TMEM114: variants seen among roughly 807,000 people sequenced by gnomAD.
The protein encoded by TMEM114 is transmembrane protein 114, also known as claudin-26.
TMEM114 carries 6 observed loss-of-function variants against 6.2 expected under a neutral mutation model. The observed-to-expected ratio is 0.97, with a 90% CI of 0.53 to 1.91. TMEM114 has a LOEUF of 1.91. Among genes scored for constraint, TMEM114 ranks in the 40% most tolerant of loss-of-function variants. The pLI, the probability that TMEM114 is intolerant of heterozygous loss-of-function variation, is 0.01. For synonymous variants in TMEM114, 104 were observed against 73.0 expected (o/e 1.42, Z -2.16); for missense variants, 218 against 158.3 (o/e 1.38, Z -2.02).
At chr16:8,532,932 G>GA (rs1366983788), downstream of TMEM114, among the ~76,000 whole-genome samples, 4 of 151,740 alleles carry the variant, frequency 2.6e-5, no homozygotes, top group Non-Finnish European at 2.9e-5. Context: ...TCAAAAAAAG[G>GA]AAAAAAAATA....
chr16:8,541,154 A>G (rs1900506329), intron 2 of TMEM114, among the ~76,000 whole-genome samples: 1 of 152,208 alleles, frequency 6.6e-6, no homozygotes, highest in East Asian at 1.9e-4. Context: ...ATATTATATC[A>G]TATCGTCTAA....
At chr16:8,569,181 T>C (rs140224307), downstream of TMEM114, among the ~76,000 whole-genome samples, 1 of 152,300 alleles carries the variant, frequency 6.6e-6, no homozygotes, top group East Asian at 1.9e-4. Context: ...GGATGGATTT[T>C]TCTGGGGGAG....
chr16:8,562,570 G>GCGTC (rs1290421911), intron 2 of TMEM114, among the ~76,000 whole-genome samples: 10 of 91,480 alleles, frequency 1.1e-4, no homozygotes, highest in South Asian at 3.2e-4. Flanking sequence ...ATGAGTGAGT[G>GCGTC]AATGAGTGAG....
At chr16:8,531,951 G>A in the TMEM114 span, 1 of 152,198 alleles carries the variant, frequency 6.6e-6, no homozygotes, top group Admixed American at 6.5e-5. Context: ...GAGAAGTAAA[G>A]TTGAATTCAT....
Position 8,545,335 on chromosome 16 carries a change from C to T in TMEM114, n.213-7509G>A, listed in dbSNP as rs550524226. Among the ~76,000 whole-genome samples, 3 of 152,272 alleles carry T rather than the reference C, an allele frequency of 2.0e-5. No individual in the cohort carries two copies. The South Asian group carries it at 6.2e-4, about 32-fold the overall frequency. On this transcript the variant is annotated intron_variant and non_coding_transcript_variant, in intron 2 of 2. Transcript: ENST00000623677. Reference sequence around the variant, plus strand: ...CCTGCAGTCCCAGCTACTCAGGAGGCTGAGGCAGGAGGATTGCTTGAGCCC... The same window carrying T: ...CCTGCAGTCCCAGCTACTCAGGAGGTTGAGGCAGGAGGATTGCTTGAGCCC...
chr16:8,526,923 G>C, the TMEM114 span, among the ~76,000 whole-genome samples: 1 of 152,186 alleles, frequency 6.6e-6, no homozygotes, highest in South Asian at 2.1e-4. Flanking sequence ...AACATGCTGA[G>C]TAGGTGGGGC....
chr16:8,545,022 G>A (rs1900619264), intron 2 of TMEM114, among the ~76,000 whole-genome samples: 1 of 152,038 alleles, frequency 6.6e-6, no homozygotes, highest in Non-Finnish European at 1.5e-5. Context: ...TGTTTCCAGT[G>A]TGGTTATAAG....
rs892752026 is a variant in TMEM114 at position 8,558,691 on chromosome 16, G to T, written n.213-20865C>A. Among the ~76,000 whole-genome samples, 3 of 151,856 alleles carry T rather than the reference G, an allele frequency of 2.0e-5. No homozygotes were observed. The South Asian group carries it at 6.2e-4, about 32-fold the overall frequency. On this transcript the variant is annotated intron_variant and non_coding_transcript_variant, in intron 2 of 2. Transcript: ENST00000623677. ...CCTGAGCATTTCACCCCACCTCTCAGGGCCCCATTGACAGAAGGTGGAAGA... is the reference window on the plus strand; with the variant it reads ...CCTGAGCATTTCACCCCACCTCTCATGGCCCCATTGACAGAAGGTGGAAGA...
intron 2 of TMEM114, among the ~76,000 whole-genome samples, chr16:8,542,423 T>C (rs1900542066): frequency 6.6e-6 from 1 of 152,188 alleles, no homozygotes; most frequent in African/African-American, 2.4e-5. Flanking sequence ...CCAGGTCATT[T>C]TAAATTCCCA....
At chr16:8,581,359 C>G (rs907623128) in intron 2 of TMEM114, among the ~76,000 whole-genome samples, 8 of 152,200 alleles carry the variant, frequency 5.3e-5, no homozygotes, top group South Asian at 4.1e-4. Context: ...ATCTCTCCAT[C>G]TGTGGGCAGT....
At chr16:8,551,393 T>G (rs1347722151) in intron 2 of TMEM114, among the ~76,000 whole-genome samples, 1 of 152,200 alleles carries the variant, frequency 6.6e-6, no homozygotes, top group Non-Finnish European at 1.5e-5. Flanking sequence ...TGGCTTAGCC[T>G]ACACTGTGTA....
At chr16:8,530,042 C>A in the TMEM114 span, among the ~76,000 whole-genome samples, 1 of 152,208 alleles carries the variant, frequency 6.6e-6, no homozygotes, top group Non-Finnish European at 1.5e-5. Flanking sequence ...TTACTCCATA[C>A]CAATTCTATT....
At chr16:8,553,176 A>G (rs931590890) in intron 2 of TMEM114, among the ~76,000 whole-genome samples, 1 of 152,310 alleles carries the variant, frequency 6.6e-6, no homozygotes, top group South Asian at 2.1e-4. Flanking sequence ...TGGTCTGAGA[A>G]ACACTCAGCT....
chr16:8,557,949 G>A (rs1901067283), intron 2 of TMEM114, among the ~76,000 whole-genome samples: 1 of 152,116 alleles, frequency 6.6e-6, no homozygotes, highest in African/African-American at 2.4e-5. Flanking sequence ...CAATTCTGAA[G>A]GTCCAAATTT....
rs879085642 is a variant in TMEM114 at position 8,589,223 on chromosome 16, C to T, written c.291G>A (p.Arg97=). 5.0e-6 allele frequency: 2 copies of T among 398,748 alleles called. No homozygotes were observed. The highest frequency in any genetic ancestry group is 8.8e-6 in the Non-Finnish European group (2 of 226,274). 24.7% of individuals were successfully genotyped at this position (398,748 alleles called of 1,614,324 possible). Residue 97 remains arginine (R), a synonymous_variant, in exon 2 of 4, where the codon CGG becomes CGA. Coordinates refer to ENST00000620492, the MANE Select transcript of TMEM114 (RefSeq NM_001146336.2). ...CCTCCCCGGACTCACTGAGAAGTTGCCGGCTCGATTCGCTGACTGTCACGT... is the reference window on the plus strand; with the variant it reads ...CCTCCCCGGACTCACTGAGAAGTTGTCGGCTCGATTCGCTGACTGTCACGT... ...LENVTVSESS[R]QLLTMHGTFV... is the part of the protein sequence containing the mutation.
At chr16:8,540,598 A>C (rs74007839) in intron 2 of TMEM114, among the ~76,000 whole-genome samples, 1,711 of 146,424 alleles carry the variant, frequency 0.012, 42 homozygotes, top group African/African-American at 0.042. Context: ...GGGAGTTGAT[A>C]AGAACAGGTG....
chr16:8,555,280 A>G (rs1900973035), intron 2 of TMEM114, among the ~76,000 whole-genome samples: 1 of 152,198 alleles, frequency 6.6e-6, no homozygotes, highest in African/African-American at 2.4e-5. Flanking sequence ...GTAGAAGAAA[A>G]CAGCTGTATT....
At chr16:8,546,042 A>C (rs1456448363) in intron 2 of TMEM114, among the ~76,000 whole-genome samples, 7 of 152,150 alleles carry the variant, frequency 4.6e-5, no homozygotes, top group Admixed American at 1.3e-4. Context: ...TTGAGCCCAG[A>C]AGATGGAAGC....
chr16:8,564,496 A>AATGAGTGAGTGAGTGG (rs1901449807), intron 2 of TMEM114, among the ~76,000 whole-genome samples: 1 of 141,762 alleles, frequency 7.1e-6, no homozygotes, highest in Non-Finnish European at 1.5e-5. Flanking sequence ...TGAATGAGTG[A>AATGAGTGAGTGAGTGG]ATGAGTGAGT....
Sources: allele counts gnomAD v4.1 joint callset (sites outside exome capture counted in the v4.1 genomes callset), GRCh38; gene constraint gnomAD v4.1.1; transcripts MANE v1.5; gene names NCBI Gene and HGNC (gene_info 2026-07-23, HGNC 2026-07-21).